The following ANKS1B variants were observed in gnomAD, a reference collection of about 807,000 sequenced individuals.
ANKS1B encodes ankyrin repeat and sterile alpha motif domain containing 1B, also known as ankyrin repeat and sterile alpha motif domain-containing protein 1B.
ANKS1B carries 36 observed loss-of-function variants against 148.3 expected under a neutral mutation model. The ratio of observed to expected loss-of-function variants is 0.24; its 90% CI spans 0.19 to 0.32. The LOEUF is 0.32. Ranked by LOEUF, ANKS1B falls within the 10% of genes least tolerant of loss-of-function variation. The pLI is 1.00. For synonymous variants in ANKS1B, 542 were observed against 560.8 expected (o/e 0.97, Z 0.47); for missense variants, 1,157 against 1,542.6 (o/e 0.75, Z 4.19).
intron 24 of ANKS1B, among the ~76,000 whole-genome samples, chr12:98,778,390 C>T (rs2098701774): frequency 1.3e-5 from 2 of 152,134 alleles, no homozygotes; most frequent in African/African-American, 2.4e-5. Context: ...GCATGAGAAT[C>T]GCTTGAATTC....
At chr12:99,976,366 G>C (rs1034380856) in intron 1 of ANKS1B, among the ~76,000 whole-genome samples, 1 of 152,094 alleles carries the variant, frequency 6.6e-6, no homozygotes, top group Non-Finnish European at 1.5e-5. Context: ...TAAATATTCA[G>C]ATAGGCTGGA....
chr12:99,416,738 GAT>G (rs1267511674), intron 11 of ANKS1B, among the ~76,000 whole-genome samples: 3 of 152,178 alleles, frequency 2.0e-5, no homozygotes, highest in Non-Finnish European at 4.4e-5. Context: ...ATAAGTTCTA[GAT>G]ATTATTCTTT....
rs571585577 is a variant in ANKS1B at position 99,954,174 on chromosome 12, C to T, written c.134+29930G>A. ...TGTCAAGTGATCAGAATAAAATATC[C>T]AAAAATTAACAAAACCTGAATTTTT... On this transcript the variant is annotated intron_variant, in intron 1 of 26. Coordinates refer to ENST00000683438, the MANE Select transcript of ANKS1B (RefSeq NM_001352186.2). Among the ~76,000 whole-genome samples, 4 of 152,146 alleles carry T rather than the reference C, an allele frequency of 2.6e-5. No individual in the cohort carries two copies. The East Asian group carries it at 7.7e-4, about 29-fold the overall frequency.
Position 99,633,445 on chromosome 12 carries a change from G to T in ANKS1B, c.1272+21622C>A, listed in dbSNP as rs1459287759. On this transcript the variant is annotated intron_variant, in intron 9 of 26. Coordinates refer to ENST00000683438, the MANE Select transcript of ANKS1B (RefSeq NM_001352186.2). ...ACTGGCTAGCCATATATAGAAAGCT[G>T]AAACTGGATCCCTTCCTTACACCTT... is the stretch of plus-strand genomic sequence containing the variant. Among the ~76,000 whole-genome samples, 4 of 152,210 alleles carry T rather than the reference G, an allele frequency of 2.6e-5. No homozygotes were observed. The South Asian group carries it at 6.2e-4, about 24-fold the overall frequency.
intron 10 of ANKS1B, among the ~76,000 whole-genome samples, chr12:99,465,064 G>T (rs1318606491): frequency 1.3e-5 from 2 of 152,182 alleles, no homozygotes; most frequent in Non-Finnish European, 2.9e-5. Context: ...TACCCACAAA[G>T]GGAAGCCCAT....
intron 9 of ANKS1B, among the ~76,000 whole-genome samples, chr12:99,508,764 T>C (rs2096735856): frequency 6.6e-6 from 1 of 151,940 alleles, no homozygotes. Context: ...ATAATACATA[T>C]ATGACTTATG....
chr12:99,949,987 G>T (rs184038243), intron 1 of ANKS1B, among the ~76,000 whole-genome samples: 8 of 152,154 alleles, frequency 5.3e-5, no homozygotes, highest in Admixed American at 4.6e-4. Flanking sequence ...TTGTGACAGG[G>T]TCTCACTCTG....
At chr12:99,573,918 T>C (rs2097489245) in intron 9 of ANKS1B, among the ~76,000 whole-genome samples, 1 of 152,046 alleles carries the variant, frequency 6.6e-6, no homozygotes, top group South Asian at 2.1e-4. Context: ...TTTTTTTTAA[T>C]TTCTCTTTTT....
chr12:99,400,432 G>A (rs1383214383), intron 11 of ANKS1B, among the ~76,000 whole-genome samples: 1 of 145,210 alleles, frequency 6.9e-6, no homozygotes, highest in Non-Finnish European at 1.5e-5. Flanking sequence ...TCCCCAAATA[G>A]CAAGAAAAGT....
chr12:99,811,091 G>A (rs1407422454), intron 3 of ANKS1B, among the ~76,000 whole-genome samples: 1 of 151,802 alleles, frequency 6.6e-6, no homozygotes, highest in East Asian at 1.9e-4. Flanking sequence ...ATATTAATAA[G>A]ATACTTTTCC....
intron 17 of ANKS1B, among the ~76,000 whole-genome samples, chr12:98,902,948 T>G (rs750599403): frequency 6.6e-6 from 1 of 152,182 alleles, no homozygotes; most frequent in Non-Finnish European, 1.5e-5. Flanking sequence ...GCCCATGAAC[T>G]TGGGAGGGGA....
chr12:99,659,186 G>A (rs1279631483), intron 8 of ANKS1B, among the ~76,000 whole-genome samples: 2 of 152,128 alleles, frequency 1.3e-5, no homozygotes, highest in Non-Finnish European at 2.9e-5. Context: ...TAAATTGGCT[G>A]TGTAAAACCA....
At position 99,579,628 on chromosome 12, in the gene ANKS1B, G is replaced by A. The variant is rs117337490; in HGVS notation, c.1273-74987C>T. ...TAGCAACACTAATCATCAGAGAAAT[G>A]CAAATCAAAACCACACTGAAATACA... On this transcript the variant is annotated intron_variant, in intron 9 of 26. Coordinates refer to ENST00000683438, the MANE Select transcript of ANKS1B (RefSeq NM_001352186.2). 4.9e-3 allele frequency among the ~76,000 whole-genome samples: 743 copies of A among 152,220 alleles called. 33 individuals carry two copies. The South Asian group carries it at 0.073, about 15-fold the overall frequency.
chr12:99,476,721 T>G (rs922624474), intron 10 of ANKS1B, among the ~76,000 whole-genome samples: 2 of 152,196 alleles, frequency 1.3e-5, no homozygotes, highest in Non-Finnish European at 2.9e-5. Context: ...ATTAGCTATC[T>G]ATTTCTGTGT....
chr12:98,979,667 AT>A (rs58780711), intron 17 of ANKS1B, among the ~76,000 whole-genome samples: 52 of 147,956 alleles, frequency 3.5e-4, no homozygotes, highest in Admixed American at 5.4e-4. Flanking sequence ...ATGCTTTTAG[AT>A]TTTTTTTTTT....
intron 17 of ANKS1B, among the ~76,000 whole-genome samples, chr12:99,014,212 A>G (rs2099941083): frequency 6.6e-6 from 1 of 152,170 alleles, no homozygotes; most frequent in Non-Finnish European, 1.5e-5. Flanking sequence ...ATCCAGAAAT[A>G]AGACTGCACA....
chr12:99,551,719 T>A (rs1460114479), intron 9 of ANKS1B, among the ~76,000 whole-genome samples: 1 of 152,130 alleles, frequency 6.6e-6, no homozygotes, highest in Non-Finnish European at 1.5e-5. Context: ...CAATGGCCAA[T>A]AATCTTTTTT....
At chr12:99,561,769 A>G (rs1440463513) in intron 9 of ANKS1B, among the ~76,000 whole-genome samples, 1 of 152,146 alleles carries the variant, frequency 6.6e-6, no homozygotes, top group Middle Eastern at 3.2e-3. Context: ...GAACCTCTCA[A>G]TGTCATCCAT....
At chr12:99,176,894 G>A (rs778621862) in intron 14 of ANKS1B, among the ~76,000 whole-genome samples, 9 of 152,066 alleles carry the variant, frequency 5.9e-5, no homozygotes, top group Admixed American at 2.0e-4. Flanking sequence ...AGAGCCATGC[G>A]CCAATTAAGC....
Sources: gnomAD v4.1 joint callset for allele counts (sites outside exome capture counted in the v4.1 genomes callset) on GRCh38, gnomAD v4.1.1 for gene constraint, MANE v1.5 for transcripts, NCBI Gene and HGNC (gene_info 2026-07-23, HGNC 2026-07-21) for gene names.